RGS5: variants seen among roughly 807,000 people sequenced by gnomAD.
The protein encoded by RGS5 is regulator of G protein signaling 5.
In RGS5, 20 loss-of-function variants were observed where a neutral mutation model predicts 18.9. That is an observed-to-expected ratio of 1.06 (90% CI 0.74 to 1.54). RGS5 has a LOEUF of 1.54. RGS5 is among the 40% of genes most tolerant of loss of function. The probability of loss-of-function intolerance (pLI) is 0.00; values close to 1 mark genes in which losing one functional copy is unlikely to be tolerated. For missense variants in RGS5, 201 were observed against 211.8 expected (o/e 0.95, Z 0.32); for synonymous variants, 57 against 76.2 (o/e 0.75, Z 1.31).
intron 2 of RGS5, among the ~76,000 whole-genome samples, chr1:163,227,080 C>T (rs1011467659): frequency 4.6e-5 from 7 of 152,172 alleles, no homozygotes; most frequent in African/African-American, 1.7e-4. Flanking sequence ...AAATGTTTGC[C>T]ATTCCTACAC....
chr1:163,261,565 T>C (rs549578824), intron 2 of RGS5, among the ~76,000 whole-genome samples: 4 of 152,312 alleles, frequency 2.6e-5, no homozygotes, highest in Non-Finnish European at 5.9e-5. Flanking sequence ...ACAACTCCCT[T>C]CTAGTACCCT....
At chr1:163,187,914 C>T (rs373558922) in intron 1 of RGS5, among the ~76,000 whole-genome samples, 2 of 152,194 alleles carry the variant, frequency 1.3e-5, no homozygotes, top group African/African-American at 4.8e-5. Flanking sequence ...GGACTGAGCC[C>T]TCAACCTGTG....
chr1:163,191,163 G>A (rs1219617957), intron 1 of RGS5, among the ~76,000 whole-genome samples: 1 of 152,128 alleles, frequency 6.6e-6, no homozygotes, highest in Non-Finnish European at 1.5e-5. Flanking sequence ...CAGCAAAAGA[G>A]ACAGAGACTG....
intron 2 of RGS5, among the ~76,000 whole-genome samples, chr1:163,233,547 C>T (rs1220319236): frequency 6.6e-6 from 1 of 152,186 alleles, no homozygotes; most frequent in African/African-American, 2.4e-5. Flanking sequence ...TGTGAAGAGA[C>T]CATCAAACAG....
chr1:163,233,274 C>T (rs1571308394), intron 2 of RGS5, among the ~76,000 whole-genome samples: 1 of 152,194 alleles, frequency 6.6e-6, no homozygotes, highest in African/African-American at 2.4e-5. Context: ...GATGACATTA[C>T]TTTGACCACC....
intron 1 of RGS5, among the ~76,000 whole-genome samples, chr1:163,194,122 C>A (rs1659466586): frequency 6.6e-6 from 1 of 152,140 alleles, no homozygotes; most frequent in African/African-American, 2.4e-5. Flanking sequence ...CGAGACCACC[C>A]TTTTTCTTCA....
At chr1:163,230,270 C>G (rs1199067958) in intron 2 of RGS5, among the ~76,000 whole-genome samples, 2 of 152,176 alleles carry the variant, frequency 1.3e-5, no homozygotes, top group Non-Finnish European at 2.9e-5. Context: ...TAATTTCCCT[C>G]TTTACCTCAT....
At position 163,161,956 on chromosome 1, in the gene RGS5, A is replaced by G. The variant is rs1657815949; in HGVS notation, c.176T>C (p.Leu59Pro). 1.9e-6 allele frequency: 3 copies of G among 1,613,150 alleles called. No individual in the cohort carries two copies. Among genetic ancestry groups the G allele is most frequent in the South Asian group, 1.1e-5 (1 of 91,070 alleles). ...TTTGTCCAGGGAATCACGCCACTGC[A>G]GGGCCTCGTCCAGCGAGGTTCTACA... Reference protein sequence around the residue: ...KTQKTSLDEALQWRDSLDKLL... With the variant: ...KTQKTSLDEAPQWRDSLDKLL... The change falls in exon 3 of 5, where the codon CTG becomes CCG. Residue 59 changes from leucine to proline, a missense_variant. Coordinates refer to ENST00000313961, the MANE Select transcript of RGS5 (RefSeq NM_003617.4).
intron 1 of RGS5, among the ~76,000 whole-genome samples, chr1:163,195,273 A>C (rs184730323): frequency 7.2e-5 from 11 of 152,344 alleles, no homozygotes; most frequent in African/African-American, 2.6e-4. Flanking sequence ...TGTCGTTTGC[A>C]GCAACTTGGA....
intron 4 of RGS5, among the ~76,000 whole-genome samples, chr1:163,149,563 T>C (rs1657293151): frequency 6.6e-6 from 1 of 152,256 alleles, no homozygotes; most frequent in Non-Finnish European, 1.5e-5. Context: ...CTGATACATA[T>C]TTATCTGTTT....
At chr1:163,314,479 C>A (rs1649959120) in intron 1 of RGS5, among the ~76,000 whole-genome samples, 1 of 151,972 alleles carries the variant, frequency 6.6e-6, no homozygotes, top group South Asian at 2.1e-4. Context: ...ATATAAATCA[C>A]TATCATAAAG....
At chr1:163,179,343 C>G (rs1658706372) in intron 1 of RGS5, among the ~76,000 whole-genome samples, 1 of 152,154 alleles carries the variant, frequency 6.6e-6, no homozygotes, top group African/African-American at 2.4e-5. Context: ...TTTCATAAGC[C>G]TCTTGTGATT....
intron 1 of RGS5, among the ~76,000 whole-genome samples, chr1:163,198,680 G>A (rs1417920879): frequency 6.6e-6 from 1 of 151,996 alleles, no homozygotes; most frequent in Non-Finnish European, 1.5e-5. Context: ...ACCCAGGCTG[G>A]AGTGCAATAG....
chr1:163,144,257 A>G lies in RGS5; in HGVS notation c.*3085T>C, dbSNP rs1657040337. 6.6e-6 allele frequency: 1 copy of G among 152,132 alleles called. No individual in the cohort carries two copies. The highest frequency in any genetic ancestry group is 3.2e-3 in the Middle Eastern group (1 of 316). The allele number at this position is 152,132 out of a possible 1,614,324, so 9.4% of individuals were successfully genotyped here. A position where few individuals can be genotyped will look rare whatever the true frequency, so the allele number is the denominator to read the frequency against. On this transcript the variant is annotated 3_prime_UTR_variant, in exon 5 of 5. Transcript: ENST00000313961. ...GCGGGGAAGATGGAAGATTATTCAC[A>G]TGCTTGAAGGCTATTCACACTGCTT...
At chr1:163,237,329 CT>C in intron 2 of RGS5, 1 of 155,296 alleles carries the variant, frequency 6.4e-6, no homozygotes, top group South Asian at 1.9e-4. Context: ...ATTCCAGTCA[CT>C]TTTCTCAGAA....
Position 163,164,987 on chromosome 1 carries a change from C to T in RGS5, c.156-3011G>A, listed in dbSNP as rs80053289. 8.9e-3 allele frequency among the ~76,000 whole-genome samples: 1,356 copies of T among 152,292 alleles called. 18 individuals carry two copies. The highest frequency in any genetic ancestry group is 0.031 in the African/African-American group (1,308 of 41,554). ...GTGCCTAGTCCCCTCTCCCTTCCTGCCCAACAGTACAGTCTGCTCATGACC... is the reference window on the plus strand; with the variant it reads ...GTGCCTAGTCCCCTCTCCCTTCCTGTCCAACAGTACAGTCTGCTCATGACC... On this transcript the variant is annotated intron_variant, in intron 2 of 4. Transcript: ENST00000313961.
At chr1:163,199,777 C>A (rs973000222) in intron 1 of RGS5, among the ~76,000 whole-genome samples, 2 of 151,870 alleles carry the variant, frequency 1.3e-5, no homozygotes, top group Non-Finnish European at 2.9e-5. Flanking sequence ...TTCTTCATTC[C>A]TCCCAAACTT....
chr1:163,320,855 T>G (rs1278524488), intron 1 of RGS5, among the ~76,000 whole-genome samples: 1 of 152,192 alleles, frequency 6.6e-6, no homozygotes, highest in Non-Finnish European at 1.5e-5. Flanking sequence ...GCAGCGGAAT[T>G]TGTGTCTACA....
At chr1:163,311,698 T>C (rs1162632840) in intron 1 of RGS5, among the ~76,000 whole-genome samples, 3 of 152,336 alleles carry the variant, frequency 2.0e-5, no homozygotes, top group African/African-American at 2.4e-5. Context: ...TGTTCTCTTA[T>C]ATGGGTGGTT....
Sources: allele counts gnomAD v4.1 joint callset (sites outside exome capture counted in the v4.1 genomes callset), GRCh38; gene constraint gnomAD v4.1.1; transcripts MANE v1.5; gene names NCBI Gene and HGNC (gene_info 2026-07-23, HGNC 2026-07-21).